The following PAM variants were observed in gnomAD, a reference collection of about 807,000 sequenced individuals.
The protein encoded by PAM is peptidylglycine alpha-amidating monooxygenase, also known as peptidyl-glycine alpha-amidating monooxygenase.
In PAM, 72 loss-of-function variants were observed where a neutral mutation model predicts 122.1. That is an observed-to-expected ratio of 0.59 (90% CI 0.49 to 0.72). PAM has a LOEUF of 0.72. PAM is among the 30% of genes least tolerant of loss of function. The probability of loss-of-function intolerance (pLI) is 0.00; values close to 1 mark genes in which losing one functional copy is unlikely to be tolerated. For synonymous variants in PAM, 389 were observed against 404.4 expected, an observed-to-expected ratio of 0.96 and a Z score of 0.46; for missense variants, 1,106 against 1,183.7, an observed-to-expected ratio of 0.93 and a Z score of 0.96.
At chr5:102,898,964 G>A (rs1327244612) in intron 3 of PAM, among the ~76,000 whole-genome samples, 1 of 151,460 alleles carries the variant, frequency 6.6e-6, no homozygotes, top group Non-Finnish European at 1.5e-5. Context: ...CTACCGAATA[G>A]TGTTATCATG....
intron 5 of PAM, among the ~76,000 whole-genome samples, chr5:102,921,336 G>A (rs1455528068): frequency 1.3e-5 from 2 of 151,916 alleles, no homozygotes; most frequent in African/African-American, 4.8e-5. Flanking sequence ...TTTTTGGGAA[G>A]CCAAAATATA....
rs543233709 is a variant in PAM at position 102,782,186 on chromosome 5, A to G, written c.-374+26838A>G. On this transcript the variant is annotated intron_variant, in intron 1 of 25. Coordinates refer to ENST00000438793, the MANE Select transcript of PAM (RefSeq NM_001177306.2). The stretch of plus-strand genomic sequence containing the variant: ...TTCTTCAAAGAGTAAATCATACCTC[A>G]CACTTCTCCAACATTTACACCAAAG... 1.1e-4 allele frequency among the ~76,000 whole-genome samples: 16 copies of G among 152,350 alleles called. No homozygotes were observed. The East Asian group carries it at 3.1e-3, about 29-fold the overall frequency.
At chr5:102,862,221 G>T (rs1581064262) in intron 1 of PAM, among the ~76,000 whole-genome samples, 2 of 144,978 alleles carry the variant, frequency 1.4e-5, no homozygotes, top group Admixed American at 6.8e-5. Context: ...GACACATATT[G>T]TCTTTTTTTT....
At chr5:102,809,410 G>A (rs1182721346) in intron 1 of PAM, among the ~76,000 whole-genome samples, 1 of 151,154 alleles carries the variant, frequency 6.6e-6, no homozygotes, top group African/African-American at 2.4e-5. Context: ...TTTAATGGAA[G>A]TGGTAGATAA....
chr5:102,950,788 T>A lies in PAM; in HGVS notation c.873T>A (p.Thr291=). ...GDLLAARCVF[T]GEGRTEATHI... ...TACTGGCTGCAAGATGTGTATTCAC[T>A]GGTGAAGGAAGGACAGAAGCCACAC... Residue 291 remains threonine, a synonymous_variant, in exon 12 of 26, where the codon ACT becomes ACA. Coordinates refer to ENST00000438793, the MANE Select transcript of PAM (RefSeq NM_001177306.2). The A allele has an allele frequency of 6.2e-7, 1 of 1,610,430 alleles. No homozygotes were observed. Among genetic ancestry groups the A allele is most frequent in the South Asian group, 1.1e-5 (1 of 90,992 alleles).
At chr5:102,987,189 A>G (rs1489302690) in intron 15 of PAM, among the ~76,000 whole-genome samples, 1 of 152,184 alleles carries the variant, frequency 6.6e-6, no homozygotes, top group African/African-American at 2.4e-5. Context: ...AAGGTGGTGT[A>G]TGTACACAAT....
Position 102,948,361 on chromosome 5 carries a change from G to A in PAM, c.576-17G>A, listed in dbSNP as rs1328641097. 2 of 1,485,780 alleles carry A rather than the reference G, an allele frequency of 1.3e-6. No individual in the cohort carries two copies. The highest frequency in any genetic ancestry group is 9.4e-7 in the Non-Finnish European group (1 of 1,068,322). 92.0% of individuals were successfully genotyped at this position (1,485,780 alleles called of 1,614,324 possible). On this transcript the variant is annotated splice_polypyrimidine_tract_variant and intron_variant, in intron 8 of 25. Coordinates refer to ENST00000438793, the MANE Select transcript of PAM (RefSeq NM_001177306.2). ...ACTTTTTCAGGTATTTTAGAAAAATGTTATTTTTTTCTGCAGACAGCCTTT... is the reference window on the plus strand; with the variant it reads ...ACTTTTTCAGGTATTTTAGAAAAATATTATTTTTTTCTGCAGACAGCCTTT...
At chr5:102,775,500 C>T (rs1231091537) in intron 1 of PAM, among the ~76,000 whole-genome samples, 1 of 152,078 alleles carries the variant, frequency 6.6e-6, no homozygotes, top group Non-Finnish European at 1.5e-5. Flanking sequence ...CTCCCCACCA[C>T]ACCCCGAAAG....
At chr5:102,810,816 G>A (rs557529700) in intron 1 of PAM, among the ~76,000 whole-genome samples, 4 of 151,722 alleles carry the variant, frequency 2.6e-5, no homozygotes, top group Non-Finnish European at 5.9e-5. Context: ...CAACAAGAGC[G>A]AAACTCCATC....
At chr5:102,973,964 CTTTT>C in intron 14 of PAM, 148 bp from the exon 15 acceptor site, 2 of 552,606 alleles carry the variant, frequency 3.6e-6, no homozygotes, top group Non-Finnish European at 6.4e-6. Context: ...AGGAATTTTT[CTTTT>C]TTTTCCTCCT....
At chr5:102,933,803 G>T (rs886530892) in intron 7 of PAM, among the ~76,000 whole-genome samples, 2 of 152,220 alleles carry the variant, frequency 1.3e-5, no homozygotes, top group Admixed American at 1.3e-4. Context: ...ACAAGATGGA[G>T]CAGAGATCAG....
chr5:102,951,410 C>T (rs1049381749), intron 12 of PAM, among the ~76,000 whole-genome samples: 3 of 152,044 alleles, frequency 2.0e-5, no homozygotes, highest in Middle Eastern at 3.4e-3. Context: ...TCAAAAAAAA[C>T]TTACCTAAAT....
chr5:102,937,876 G>T (rs1404745056), intron 7 of PAM, among the ~76,000 whole-genome samples: 5 of 152,154 alleles, frequency 3.3e-5, no homozygotes, highest in Non-Finnish European at 7.4e-5. Context: ...GAAGTGAAAT[G>T]AACTCATGCA....
At chr5:102,822,069 A>C (rs1157560453) in intron 1 of PAM, among the ~76,000 whole-genome samples, 3 of 152,186 alleles carry the variant, frequency 2.0e-5, no homozygotes, top group Non-Finnish European at 4.4e-5. Context: ...TGATGGGTTA[A>C]ATCCAGAGAT....
intron 16 of PAM, among the ~76,000 whole-genome samples, chr5:102,993,462 T>A (rs1774771113): frequency 6.6e-6 from 1 of 152,140 alleles, no homozygotes; most frequent in South Asian, 2.1e-4. Context: ...CCACTTAACT[T>A]AACTATGGGT....
rs958026612 is a variant in PAM at position 102,913,804 on chromosome 5, C to T, written c.269-130C>T. The T allele has an allele frequency of 5.1e-5, 31 of 604,442 alleles. No individual in the cohort carries two copies. In the South Asian group the frequency reaches 6.2e-4, roughly 12 times the overall value. 37.4% of individuals were successfully genotyped at this position (604,442 alleles called of 1,614,324 possible). A position where few individuals can be genotyped will look rare whatever the true frequency, so the allele number is the denominator to read the frequency against. ...AACAAGATAATTTATACAGACAGGG[C>T]ATTTGATCACAAGAACATCAAAACA... On this transcript the variant is annotated intron_variant, in intron 4 of 25. Transcript: ENST00000438793.
intron 1 of PAM, among the ~76,000 whole-genome samples, chr5:102,769,394 T>C (rs570710445): frequency 1.2e-4 from 18 of 152,312 alleles, no homozygotes; most frequent in African/African-American, 3.8e-4. Flanking sequence ...TGGTGGCCTG[T>C]GCTTATGGGG....
intron 1 of PAM, among the ~76,000 whole-genome samples, chr5:102,761,376 A>C (rs532811360): frequency 6.6e-6 from 1 of 152,256 alleles, no homozygotes; most frequent in Non-Finnish European, 1.5e-5. Flanking sequence ...GCAAATGCAC[A>C]AAGAATAATA....
At chr5:102,879,003 A>C (rs1790107997) in intron 3 of PAM, among the ~76,000 whole-genome samples, 1 of 151,876 alleles carries the variant, frequency 6.6e-6, no homozygotes, top group South Asian at 2.1e-4. Flanking sequence ...ATCTACGTTC[A>C]CTGCAAGCTC....
Sources: allele counts gnomAD v4.1 joint callset (sites outside exome capture counted in the v4.1 genomes callset), GRCh38; gene constraint gnomAD v4.1.1; transcripts MANE v1.5; gene names NCBI Gene and HGNC (gene_info 2026-07-23, HGNC 2026-07-21).